DLG2: variants seen among roughly 807,000 people sequenced by gnomAD.
DLG2 encodes the protein discs large MAGUK scaffold protein 2, also known as disks large homolog 2.
DLG2 carries 45 observed loss-of-function variants against 132.5 expected under a neutral mutation model. That is an observed-to-expected ratio of 0.34 (90% CI 0.27 to 0.44). The LOEUF is 0.44. Among genes scored for constraint, DLG2 ranks in the 20% least tolerant of loss-of-function variants. DLG2 has a pLI of 1.00. For synonymous variants in DLG2, 424 were observed against 419.6 expected, an observed-to-expected ratio of 1.01 and a Z score of -0.13; for missense variants, 1,045 against 1,196.9, an observed-to-expected ratio of 0.87 and a Z score of 1.87.
In DLG2 at chr11:83,943,690, C is replaced by G. The variant is rs72947773; in HGVS notation, c.1341-13207G>C. ...CAGCCATTTTATAGAAAAGATGACACAAAATTAAAGCAAATTTACAGCAAG... is the reference window on the plus strand; with the variant it reads ...CAGCCATTTTATAGAAAAGATGACAGAAAATTAAAGCAAATTTACAGCAAG... On this transcript the variant is annotated intron_variant, in intron 14 of 27. Coordinates refer to ENST00000376104, the MANE Select transcript of DLG2 (RefSeq NM_001142699.3). Among the ~76,000 whole-genome samples the G allele has an allele frequency of 8.5e-3, 1,292 of 152,302 alleles. 11 individuals carry two copies. The highest frequency in any genetic ancestry group is 0.011 in the Non-Finnish European group (743 of 68,012).
At chr11:85,463,466 A>C (rs1366624141) in intron 3 of DLG2, among the ~76,000 whole-genome samples, 1 of 152,218 alleles carries the variant, frequency 6.6e-6, no homozygotes, top group Admixed American at 6.5e-5. Flanking sequence ...AGAAATAAGA[A>C]ATGTGTAGAA....
intron 6 of DLG2, among the ~76,000 whole-genome samples, chr11:84,995,199 C>T (rs773624165): frequency 5.3e-5 from 8 of 152,202 alleles, no homozygotes; most frequent in African/African-American, 1.9e-4. Flanking sequence ...CAGTATCTTA[C>T]GGTAAAGATG....
intron 18 of DLG2, chr11:83,720,957 T>A (rs1350917521): frequency 6.6e-6 from 1 of 152,150 alleles, no homozygotes; most frequent in East Asian, 1.9e-4. Context: ...TGGGGGTGAA[T>A]CAACTAATCT....
chr11:83,673,810 T>C (rs2077248022), intron 18 of DLG2, among the ~76,000 whole-genome samples: 1 of 152,254 alleles, frequency 6.6e-6, no homozygotes, highest in Non-Finnish European at 1.5e-5. Flanking sequence ...TTCAGTGCTT[T>C]GCACACAGCA....
At chr11:83,838,225 T>C (rs2056739499) in intron 16 of DLG2, among the ~76,000 whole-genome samples, 1 of 152,210 alleles carries the variant, frequency 6.6e-6, no homozygotes, top group Non-Finnish European at 1.5e-5. Flanking sequence ...ATTGGATAGA[T>C]GGGTAGGTAT....
chr11:84,582,352 G>C (rs902993872), intron 6 of DLG2, among the ~76,000 whole-genome samples: 1 of 149,702 alleles, frequency 6.7e-6, no homozygotes, highest in African/African-American at 2.4e-5. Flanking sequence ...CTACTAAAAA[G>C]TCCTAACTAC....
At chr11:83,512,330 G>T (rs576345192) in intron 21 of DLG2, among the ~76,000 whole-genome samples, 2 of 152,086 alleles carry the variant, frequency 1.3e-5, no homozygotes, top group Non-Finnish European at 2.9e-5. Flanking sequence ...CATTCGAGAC[G>T]CAGTTCTGGC....
chr11:83,479,636 G>T (rs1187612958), intron 22 of DLG2, among the ~76,000 whole-genome samples: 1 of 152,102 alleles, frequency 6.6e-6, no homozygotes, highest in East Asian at 1.9e-4. Context: ...AAAAGGATGT[G>T]ATCGGTGTTT....
chr11:84,952,422 CAGG>C (rs1327484636), intron 6 of DLG2, among the ~76,000 whole-genome samples: 1 of 152,032 alleles, frequency 6.6e-6, no homozygotes, highest in East Asian at 1.9e-4. Context: ...GAGGCTGAGG[CAGG>C]AGAATGGCGT....
At chr11:84,927,854 G>T (rs147608967) in intron 6 of DLG2, among the ~76,000 whole-genome samples, 1 of 151,922 alleles carries the variant, frequency 6.6e-6, no homozygotes, top group African/African-American at 2.4e-5. Context: ...GTGCATCAGT[G>T]TATGTTAGGA....
At chr11:83,744,178 C>T (rs73511016) in intron 18 of DLG2, among the ~76,000 whole-genome samples, 2,362 of 152,164 alleles carry the variant, frequency 0.016, 70 homozygotes, top group African/African-American at 0.055. Context: ...CTTTCTAATC[C>T]TTTTCCCCTT....
intron 6 of DLG2, among the ~76,000 whole-genome samples, chr11:84,977,390 C>A (rs886819628): frequency 1.3e-5 from 2 of 152,080 alleles, no homozygotes; most frequent in Non-Finnish European, 1.5e-5. Flanking sequence ...CTTCATGACC[C>A]CTTTGAGCTT....
intron 14 of DLG2, among the ~76,000 whole-genome samples, chr11:83,956,347 G>A (rs578192086): frequency 6.6e-6 from 1 of 152,310 alleles, no homozygotes; most frequent in East Asian, 1.9e-4. Context: ...GGCCAACTGA[G>A]CTGCTAACAT....
chr11:83,669,040 C>G (rs908113413), intron 18 of DLG2, among the ~76,000 whole-genome samples: 2 of 151,812 alleles, frequency 1.3e-5, no homozygotes, highest in Non-Finnish European at 2.9e-5. Context: ...AATTTCCTGG[C>G]CCATCAAAAT....
intron 7 of DLG2, among the ~76,000 whole-genome samples, chr11:84,420,661 T>TTTTC (rs1421585200): frequency 2.0e-5 from 1 of 51,116 alleles, no homozygotes; most frequent in East Asian, 4.7e-4. Context: ...TTTTTTTTTT[T>TTTTC]TTTTTTTTTT....
At chr11:84,474,487 C>A (rs1247271717) in intron 7 of DLG2, among the ~76,000 whole-genome samples, 2 of 151,996 alleles carry the variant, frequency 1.3e-5, no homozygotes, top group East Asian at 3.9e-4. Flanking sequence ...GGGCTGTTTT[C>A]TGGCACTTGC....
At chr11:84,845,900 G>T (rs1599617381) in intron 6 of DLG2, among the ~76,000 whole-genome samples, 1 of 151,872 alleles carries the variant, frequency 6.6e-6, no homozygotes, top group South Asian at 2.1e-4. Context: ...GGCTGGTCTC[G>T]AACTCCTGAT....
intron 17 of DLG2, among the ~76,000 whole-genome samples, chr11:83,806,542 C>T (rs928698584): frequency 1.4e-4 from 21 of 152,090 alleles, no homozygotes; most frequent in African/African-American, 3.9e-4. Flanking sequence ...TAATAACACA[C>T]GATGTTCTGT....
intron 7 of DLG2, among the ~76,000 whole-genome samples, chr11:84,456,157 C>T (rs901322436): frequency 6.6e-6 from 1 of 151,264 alleles, no homozygotes; most frequent in African/African-American, 2.4e-5. Flanking sequence ...TCAGCTCATT[C>T]ACTGAAGCTG....
Sources: gnomAD v4.1 joint callset for allele counts (sites outside exome capture counted in the v4.1 genomes callset) on GRCh38, gnomAD v4.1.1 for gene constraint, MANE v1.5 for transcripts, NCBI Gene and HGNC (gene_info 2026-07-23, HGNC 2026-07-21) for gene names.